Variants in MEMO1 observed in about 807,000 individuals in gnomAD.
MEMO1 encodes mediator of cell motility 1.
Under a neutral mutation model 45.2 loss-of-function variants are expected in MEMO1, and 6 were observed. That is an observed-to-expected ratio of 0.13 (90% CI 0.07 to 0.26). MEMO1 has a LOEUF of 0.26. Ranked by LOEUF, MEMO1 falls within the 10% of genes least tolerant of loss-of-function variation. The probability of loss-of-function intolerance (pLI) is 1.00; values close to 1 mark genes in which losing one functional copy is unlikely to be tolerated. For missense variants in MEMO1, 184 were observed against 370.5 expected (o/e 0.50, Z 4.13); for synonymous variants, 78 against 124.3 (o/e 0.63, Z 2.48).
rs888690161 is a variant in MEMO1, at chr2:31,979,670, A to G, written c.61+30517T>C. 4.6e-5 allele frequency among the ~76,000 whole-genome samples: 7 copies of G among 152,194 alleles called. No individual in the cohort carries two copies. The East Asian group carries it at 1.3e-3, about 29-fold the overall frequency. On this transcript the variant is annotated intron_variant, in intron 2 of 9. Transcript: ENST00000404530. Reference sequence around the variant, plus strand: ...TAATCCCAATTTTTTAAAAATAAAAAATAAAGTATTAAAAAACTGTGAGTC... The same window carrying G: ...TAATCCCAATTTTTTAAAAATAAAAGATAAAGTATTAAAAAACTGTGAGTC...
At chr2:31,985,868 C>T (rs1428163056) in intron 2 of MEMO1, among the ~76,000 whole-genome samples, 1 of 152,280 alleles carries the variant, frequency 6.6e-6, no homozygotes, top group East Asian at 1.9e-4. Context: ...GTGGTTCAGA[C>T]CTGTAATCCC....
At chr2:31,993,014 A>C (rs1324917993) in intron 2 of MEMO1, among the ~76,000 whole-genome samples, 1 of 152,158 alleles carries the variant, frequency 6.6e-6, no homozygotes, top group Non-Finnish European at 1.5e-5. Context: ...ACAGGAAAAA[A>C]AGGGTCGATT....
At chr2:31,972,777 C>T (rs543020997) in intron 2 of MEMO1, among the ~76,000 whole-genome samples, 2 of 151,984 alleles carry the variant, frequency 1.3e-5, no homozygotes, top group African/African-American at 4.8e-5. Context: ...AGGATTAATA[C>T]CCAGAATATA....
At chr2:31,914,131 G>C (rs1301898526) in intron 6 of MEMO1, among the ~76,000 whole-genome samples, 2 of 152,170 alleles carry the variant, frequency 1.3e-5, no homozygotes, top group Non-Finnish European at 2.9e-5. Flanking sequence ...CCAGCACCAC[G>C]GCCCCAGAGA....
chr2:31,870,435 A>G (rs889303389), intron 8 of MEMO1, among the ~76,000 whole-genome samples: 1 of 152,214 alleles, frequency 6.6e-6, no homozygotes, highest in Non-Finnish European at 1.5e-5. Flanking sequence ...TCCATAACAT[A>G]TACTTAAATA....
At chr2:31,991,563 C>A (rs1671952843) in intron 2 of MEMO1, among the ~76,000 whole-genome samples, 1 of 69,756 alleles carries the variant, frequency 1.4e-5, no homozygotes, top group Admixed American at 1.9e-4. Flanking sequence ...AAGAGCAAAA[C>A]TCCGACTCAA....
chr2:31,871,498 TACAC>T (rs77754382), intron 8 of MEMO1, among the ~76,000 whole-genome samples: 37 of 147,946 alleles, frequency 2.5e-4, no homozygotes, highest in African/African-American at 5.7e-4. Context: ...ATTCCATATA[TACAC>T]ACACACACAC....
chr2:31,928,546 C>CA (rs11340855), intron 4 of MEMO1, among the ~76,000 whole-genome samples: 11 of 105,452 alleles, frequency 1.0e-4, no homozygotes, highest in African/African-American at 3.1e-4. Context: ...GACTCCATCT[C>CA]AAAAAAAAAA....
At chr2:31,900,235 G>A (rs1039006051) in intron 6 of MEMO1, among the ~76,000 whole-genome samples, 1 of 152,204 alleles carries the variant, frequency 6.6e-6, no homozygotes, top group Non-Finnish European at 1.5e-5. Context: ...GCACACATAT[G>A]TTTATTGTAG....
chr2:31,912,081 C>T (rs944638177), intron 6 of MEMO1, among the ~76,000 whole-genome samples: 1 of 152,068 alleles, frequency 6.6e-6, no homozygotes, highest in Non-Finnish European at 1.5e-5. Flanking sequence ...CACCTATAAC[C>T]CTAGCACTTT....
At chr2:31,944,048 T>C (rs1475597396) in intron 2 of MEMO1, among the ~76,000 whole-genome samples, 1 of 152,204 alleles carries the variant, frequency 6.6e-6, no homozygotes, top group African/African-American at 2.4e-5. Flanking sequence ...ATCACAGTCA[T>C]TTCCTTGCTG....
intron 3 of MEMO1, among the ~76,000 whole-genome samples, chr2:31,934,469 T>TA (rs569406028): frequency 0.018 from 2,351 of 133,884 alleles, 31 homozygotes; most frequent in Middle Eastern, 0.026. Flanking sequence ...ATTTCAAAAT[T>TA]AAAAAAAAAA....
chr2:31,869,061 A>G (rs1673285588), intron 9 of MEMO1, among the ~76,000 whole-genome samples: 1 of 152,296 alleles, frequency 6.6e-6, no homozygotes, highest in African/African-American at 2.4e-5. Context: ...CTTTTCTTTG[A>G]GTCAATCAAT....
At chr2:31,922,518 G>A (rs1572690500) in intron 4 of MEMO1, among the ~76,000 whole-genome samples, 1 of 152,112 alleles carries the variant, frequency 6.6e-6, no homozygotes, top group East Asian at 1.9e-4. Context: ...ACCTGTACGG[G>A]TTTGTAATAT....
At chr2:31,915,608 C>CA (rs1318814403) in intron 6 of MEMO1, among the ~76,000 whole-genome samples, 4 of 148,890 alleles carry the variant, frequency 2.7e-5, no homozygotes, top group Admixed American at 6.7e-5. Context: ...TAGAGAGTAG[C>CA]AAAAAAAAGA....
At chr2:32,004,952 G>C (rs1349771616) in intron 2 of MEMO1, among the ~76,000 whole-genome samples, 1 of 150,668 alleles carries the variant, frequency 6.6e-6, no homozygotes, top group Admixed American at 6.6e-5. Flanking sequence ...CTTACCATTT[G>C]CATAGACCAT....
At chr2:31,938,711 A>T (rs1442571349) in intron 3 of MEMO1, among the ~76,000 whole-genome samples, 1 of 152,076 alleles carries the variant, frequency 6.6e-6, no homozygotes, top group African/African-American at 2.4e-5. Flanking sequence ...CATTTATAAA[A>T]CTTAAAGTAA....
intron 6 of MEMO1, among the ~76,000 whole-genome samples, chr2:31,911,806 AT>A (rs530948564): frequency 6.6e-6 from 1 of 150,896 alleles, no homozygotes. Flanking sequence ...TCATCCAGTT[AT>A]TTTTTTTTAC....
chr2:31,951,116 C>T (rs1305100659), intron 2 of MEMO1, among the ~76,000 whole-genome samples: 1 of 152,146 alleles, frequency 6.6e-6, no homozygotes, highest in African/African-American at 2.4e-5. Context: ...GAAAACAACC[C>T]AGGGATGGTA....
Sources: allele counts gnomAD v4.1 joint callset (sites outside exome capture counted in the v4.1 genomes callset), GRCh38; gene constraint gnomAD v4.1.1; transcripts MANE v1.5; gene names NCBI Gene and HGNC (gene_info 2026-07-23, HGNC 2026-07-21).